Variants in CAMTA1 observed in about 807,000 individuals in gnomAD.
CAMTA1 encodes calmodulin-binding transcription activator 1.
Under a neutral mutation model 170.9 loss-of-function variants are expected in CAMTA1, and 27 were observed. The observed-to-expected ratio is 0.16, with a 90% CI of 0.12 to 0.22. The LOEUF (loss-of-function observed/expected upper bound fraction) is 0.22. Among genes scored for constraint, CAMTA1 ranks in the 10% least tolerant of loss-of-function variants. The pLI, the probability that CAMTA1 is intolerant of heterozygous loss-of-function variation, is 1.00. For missense variants in CAMTA1, 1,619 were observed against 2,217.2 expected (o/e 0.73, Z 5.42); for synonymous variants, 833 against 891.5 (o/e 0.93, Z 1.17).
At position 7,173,159 on chromosome 1, in the gene CAMTA1, C is replaced by G. The variant is rs1334474372; in HGVS notation, c.303-76332C>G. Among the ~76,000 whole-genome samples, 1 of 152,178 alleles carries G rather than the reference C, an allele frequency of 6.6e-6. No homozygotes were observed. On this transcript the variant is annotated intron_variant, in intron 4 of 22. Coordinates refer to ENST00000303635, the MANE Select transcript of CAMTA1 (RefSeq NM_015215.4). This position sits in a 1 kb window ranked among gnomAD's most constrained non-coding sequence, Gnocchi z 5.4. Reference sequence around the variant, plus strand: ...GAGACAGAAAGAGCCTTTGGCTGCCCTCTGTCCTCTTGAGGGTCACTATGT... The same window carrying G: ...GAGACAGAAAGAGCCTTTGGCTGCCGTCTGTCCTCTTGAGGGTCACTATGT...
rs1031287362 is a variant in CAMTA1 at position 7,635,534 on chromosome 1, G to A, written c.511-4866G>A. Among the ~76,000 whole-genome samples, 2 of 151,794 alleles carry A rather than the reference G, an allele frequency of 1.3e-5. No individual in the cohort carries two copies. Among genetic ancestry groups the A allele is most frequent in the Admixed American group, 6.6e-5 (1 of 15,238 alleles). On this transcript the variant is annotated intron_variant, in intron 6 of 22. Coordinates refer to ENST00000303635, the MANE Select transcript of CAMTA1 (RefSeq NM_015215.4). This position sits in a 1 kb window ranked among gnomAD's most constrained non-coding sequence, Gnocchi z 4.4. ...TGAGGCAGGAGAATGGCGTGAACCC[G>A]GGAGGCGGAGGTTGCAGTGAGCCGA...
At chr1:7,663,332 G>A in intron 8 of CAMTA1, 21 bp from the exon 9 acceptor site, 1 of 1,518,588 alleles carries the variant, frequency 6.6e-7, no homozygotes, top group Non-Finnish European at 8.8e-7. Flanking sequence ...GCGTGCGCGT[G>A]TTGTGTTCCG....
intron 3 of CAMTA1, among the ~76,000 whole-genome samples, chr1:6,877,239 T>A (rs929766469): frequency 6.6e-6 from 1 of 152,190 alleles, no homozygotes; most frequent in Non-Finnish European, 1.5e-5. Context: ...TAGGGCAGTT[T>A]TGAGGGCAAG....
intron 11 of CAMTA1, among the ~76,000 whole-genome samples, chr1:7,699,791 A>G (rs1039979120): frequency 6.6e-6 from 1 of 152,194 alleles, no homozygotes. Flanking sequence ...TCAAATGTTG[A>G]GCATTATTGA....
At chr1:7,600,184 A>C (rs955539674) in intron 6 of CAMTA1, among the ~76,000 whole-genome samples, 8 of 152,222 alleles carry the variant, frequency 5.3e-5, no homozygotes, top group African/African-American at 1.9e-4. Flanking sequence ...CCTTTTCTGC[A>C]TCTATTGAGA....
intron 5 of CAMTA1, among the ~76,000 whole-genome samples, chr1:7,276,303 A>ATATATATATATATAATTTTTTTTTTTTTT: frequency 8.3e-5 from 2 of 24,232 alleles, no homozygotes; most frequent in African/African-American, 5.9e-4. Flanking sequence ...ATATATATAT[A>ATATATATATATATAATTTTTTTTTTTTTT]TTTTTTTTTT....
rs531158406 is a variant in CAMTA1 at position 7,426,549 on chromosome 1, C to T, written c.439-41281C>T. On this transcript the variant is annotated intron_variant, in intron 5 of 22. Coordinates refer to ENST00000303635, the MANE Select transcript of CAMTA1 (RefSeq NM_015215.4). This position sits in a 1 kb window ranked among gnomAD's most constrained non-coding sequence, Gnocchi z 4.8. ...AGCAAGGCCTGATTTACATGGAGATCGTTTAAAAGATTAACTTTAGTGAAA... is the reference window on the plus strand; with the variant it reads ...AGCAAGGCCTGATTTACATGGAGATTGTTTAAAAGATTAACTTTAGTGAAA... Among the ~76,000 whole-genome samples, 2 of 152,136 alleles carry T rather than the reference C, an allele frequency of 1.3e-5. No homozygotes were observed. Among genetic ancestry groups the T allele is most frequent in the Non-Finnish European group, 1.5e-5 (1 of 68,042 alleles).
At chr1:6,830,925 TCTC>T (rs1339506263) in intron 3 of CAMTA1, among the ~76,000 whole-genome samples, 1 of 152,048 alleles carries the variant, frequency 6.6e-6, no homozygotes, top group Non-Finnish European at 1.5e-5. Flanking sequence ...TTCACGCTGT[TCTC>T]CTGCCTTAGC....
intron 20 of CAMTA1, 38 bp from the exon 21 acceptor site, chr1:7,752,421 G>A: frequency 6.3e-7 from 1 of 1,590,192 alleles, no homozygotes; most frequent in Non-Finnish European, 8.6e-7. Flanking sequence ...GGGCTTTACT[G>A]TAACCTTCTT....
Position 7,731,496 on chromosome 1 carries a change from C to T in CAMTA1, c.2915-952C>T, listed in dbSNP as rs192938628. On this transcript the variant is annotated intron_variant, in intron 11 of 22. Coordinates refer to ENST00000303635, the MANE Select transcript of CAMTA1 (RefSeq NM_015215.4). The stretch of plus-strand genomic sequence containing the variant: ...CTGAGGCAGGAGAATCACTTTAACC[C>T]GGGAGGCAGAGGTTACAGTGAGCTG... Among the ~76,000 whole-genome samples the T allele has an allele frequency of 2.1e-3, 320 of 150,672 alleles. 1 individual carries two copies. Among genetic ancestry groups the T allele is most frequent in the South Asian group, 0.013 (63 of 4,768 alleles).
intron 3 of CAMTA1, among the ~76,000 whole-genome samples, chr1:6,883,808 A>G (rs904970381): frequency 6.6e-6 from 1 of 152,130 alleles, no homozygotes; most frequent in African/African-American, 2.4e-5. Context: ...GTAATTTTTA[A>G]TGTTCTAGTA....
At chr1:6,812,832 C>G (rs1479439049) in intron 1 of CAMTA1, among the ~76,000 whole-genome samples, 2 of 152,132 alleles carry the variant, frequency 1.3e-5, no homozygotes, top group Non-Finnish European at 2.9e-5. Context: ...AATATTAGTT[C>G]CTGTGTCAGC....
chr1:6,926,911 T>C (rs1190480946), intron 3 of CAMTA1, among the ~76,000 whole-genome samples: 1 of 150,426 alleles, frequency 6.6e-6, no homozygotes, highest in Non-Finnish European at 1.5e-5. Context: ...TTTAAAATTT[T>C]GTAGAGATGA....
intron 3 of CAMTA1, among the ~76,000 whole-genome samples, chr1:6,835,170 ATAACT>A (rs1488323160): frequency 2.0e-5 from 3 of 152,236 alleles, no homozygotes; most frequent in Admixed American, 2.0e-4. Context: ...TGTCCAAGTC[ATAACT>A]TAATATGCTA....
At chr1:7,276,303 A>ATATATATATAATTTTTT in intron 5 of CAMTA1, among the ~76,000 whole-genome samples, 3 of 24,228 alleles carry the variant, frequency 1.2e-4, no homozygotes, top group African/African-American at 8.9e-4. Flanking sequence ...ATATATATAT[A>ATATATATATAATTTTTT]TTTTTTTTTT....
chr1:7,104,755 G>A lies in CAMTA1; in HGVS notation c.302+13384G>A, dbSNP rs148456525. Among the ~76,000 whole-genome samples the A allele has an allele frequency of 3.8e-3, 581 of 152,298 alleles. 1 individual carries two copies. Among genetic ancestry groups the A allele is most frequent in the African/African-American group, 9.5e-3 (394 of 41,554 alleles). ...AAGTGGTCTCCAGGGACAAGGGGTC[G>A]TGCTGGCTGTGGCAGCTTCACATCA... On this transcript the variant is annotated intron_variant, in intron 4 of 22. Coordinates refer to ENST00000303635, the MANE Select transcript of CAMTA1 (RefSeq NM_015215.4).
intron 5 of CAMTA1, among the ~76,000 whole-genome samples, chr1:7,417,330 G>A (rs1297630447): frequency 2.0e-5 from 3 of 152,272 alleles, no homozygotes. Context: ...TAAGTCTGCA[G>A]AGGTTACTGC....
chr1:7,698,797 A>G (rs1411369150), intron 11 of CAMTA1: 1 of 23,182 alleles, frequency 4.3e-5, no homozygotes, highest in Non-Finnish European at 1.3e-4. Context: ...CTTCAGAAGC[A>G]CTGTCAAACT....
rs917957895 is a variant in CAMTA1, at chr1:7,547,487, AT to A, written c.510+79593del. Among the ~76,000 whole-genome samples, 4 of 152,044 alleles carry A rather than the reference AT, an allele frequency of 2.6e-5. No individual in the cohort carries two copies. The highest frequency in any genetic ancestry group is 1.9e-4 in the East Asian group (1 of 5,192). On this transcript the variant is annotated intron_variant, in intron 6 of 22. Transcript: ENST00000303635. This position sits in a 1 kb window ranked among gnomAD's most constrained non-coding sequence, Gnocchi z 5.7. Reference sequence around the variant, plus strand: ...AAAAAATTGCATTTGTACCAAACATATTTTTTTCTTATGATTATTCCCTAAA... The same window carrying A: ...AAAAAATTGCATTTGTACCAAACATATTTTTTCTTATGATTATTCCCTAAA...
Sources: allele counts gnomAD v4.1 joint callset (sites outside exome capture counted in the v4.1 genomes callset), GRCh38; gene constraint gnomAD v4.1.1; non-coding constraint Gnocchi (gnomAD v3.1); transcripts MANE v1.5; gene names NCBI Gene and HGNC (gene_info 2026-07-23, HGNC 2026-07-21).